STIM2: variants seen among roughly 807,000 people sequenced by gnomAD.
The protein encoded by STIM2 is stromal interaction molecule 2.
STIM2 carries 31 observed loss-of-function variants against 85.8 expected under a neutral mutation model. The ratio of observed to expected loss-of-function variants is 0.36; its 90% CI spans 0.27 to 0.49. The LOEUF is 0.49. Among genes scored for constraint, STIM2 ranks in the 20% least tolerant of loss-of-function variants. The pLI, the probability that STIM2 is intolerant of heterozygous loss-of-function variation, is 0.98. For synonymous variants in STIM2, 356 were observed against 331.1 expected, an observed-to-expected ratio of 1.08 and a Z score of -0.82; for missense variants, 841 against 927.6, an observed-to-expected ratio of 0.91 and a Z score of 1.21.
chr4:26,987,416 A>G (rs1350338017), intron 3 of STIM2, among the ~76,000 whole-genome samples: 1 of 152,166 alleles, frequency 6.6e-6, no homozygotes, highest in East Asian at 1.9e-4. Context: ...ATGGGTGAGG[A>G]GTAATGAAAA....
At chr4:26,949,536 T>A (rs1025459112) in intron 2 of STIM2, among the ~76,000 whole-genome samples, 2 of 152,224 alleles carry the variant, frequency 1.3e-5, no homozygotes, top group African/African-American at 4.8e-5. Context: ...AAAGGCCCTA[T>A]AGTGGTTATG....
At chr4:26,905,315 A>G (rs1577428936) in intron 1 of STIM2, among the ~76,000 whole-genome samples, 1 of 152,216 alleles carries the variant, frequency 6.6e-6, no homozygotes, top group Non-Finnish European at 1.5e-5. Flanking sequence ...GTATGATGAA[A>G]TAAGAGAAGG....
intron 3 of STIM2, among the ~76,000 whole-genome samples, chr4:26,974,588 G>A (rs1290581260): frequency 1.3e-5 from 2 of 152,164 alleles, no homozygotes; most frequent in African/African-American, 4.8e-5. Flanking sequence ...TGGCTTGTAG[G>A]GTTTCTGCCA....
At chr4:26,887,366 T>C (rs1222708581) in intron 1 of STIM2, among the ~76,000 whole-genome samples, 1 of 152,108 alleles carries the variant, frequency 6.6e-6, no homozygotes, top group East Asian at 1.9e-4. Context: ...TTACAGACTT[T>C]GATTGAACTC....
At chr4:27,020,910 CTG>C (rs1728886561) in intron 11 of STIM2, 2 of 1,193,972 alleles carry the variant, frequency 1.7e-6, no homozygotes, top group African/African-American at 3.0e-5. Flanking sequence ...GCCTTCAGCT[CTG>C]TTCCCTTCTC....
At chr4:26,874,865 T>A (rs886669840) in intron 1 of STIM2, among the ~76,000 whole-genome samples, 1 of 152,188 alleles carries the variant, frequency 6.6e-6, no homozygotes, top group African/African-American at 2.4e-5. Flanking sequence ...AGGAGAAAAC[T>A]AAACTAATGA....
At position 27,008,933 on chromosome 4, in the gene STIM2, C is replaced by T; in HGVS notation, c.1420C>T (p.Pro474Ser). ...GGTGATGCCCAGAGTCTCCATTCCA[C>T]CCTATCCAATTGCTGGAGGAGTTGA... Residue 474 changes from proline (P) to serine (S), a missense_variant, in exon 10 of 12, where the codon CCC (proline) becomes TCC (serine). Physicochemically the swap from Pro to Ser is moderately conservative, Grantham distance 74. Coordinates refer to ENST00000467087, the MANE Select transcript of STIM2 (RefSeq NM_020860.4). 1 of 1,614,118 alleles carries T rather than the reference C, an allele frequency of 6.2e-7. No individual in the cohort carries two copies. Among genetic ancestry groups the T allele is most frequent in the East Asian group, 2.2e-5 (1 of 44,872 alleles).
intron 3 of STIM2, among the ~76,000 whole-genome samples, chr4:26,964,394 C>G (rs1338221891): frequency 6.6e-6 from 1 of 152,104 alleles, no homozygotes; most frequent in Non-Finnish European, 1.5e-5. Context: ...GTATTAAGAG[C>G]TACTATAGCT....
At chr4:27,014,520 T>C (rs1728672303) in intron 10 of STIM2, among the ~76,000 whole-genome samples, 1 of 151,880 alleles carries the variant, frequency 6.6e-6, no homozygotes, top group Non-Finnish European at 1.5e-5. Flanking sequence ...TCTTTGCCTA[T>C]TGATTTCTAC....
chr4:26,916,607 A>G (rs1724589642), intron 1 of STIM2, among the ~76,000 whole-genome samples: 1 of 152,196 alleles, frequency 6.6e-6, no homozygotes, highest in Non-Finnish European at 1.5e-5. Context: ...AAATCCAAAT[A>G]TCCTGGTATG....
chr4:27,000,064 T>C (rs1473305945), intron 5 of STIM2, among the ~76,000 whole-genome samples: 1 of 150,190 alleles, frequency 6.7e-6, no homozygotes, highest in Admixed American at 6.7e-5. Flanking sequence ...TTTTTTTTTT[T>C]AGTCAAAAAA....
At chr4:26,889,529 C>G (rs1222854002) in intron 1 of STIM2, among the ~76,000 whole-genome samples, 1 of 152,118 alleles carries the variant, frequency 6.6e-6, no homozygotes, top group East Asian at 1.9e-4. Context: ...GTAATAAGAA[C>G]AAAACAGTGC....
intron 10 of STIM2, among the ~76,000 whole-genome samples, chr4:27,015,025 C>T (rs1728688062): frequency 6.6e-6 from 1 of 151,748 alleles, no homozygotes; most frequent in Non-Finnish European, 1.5e-5. Context: ...TTTTCACGTT[C>T]TTCAAAATTT....
intron 1 of STIM2, among the ~76,000 whole-genome samples, chr4:26,915,065 G>A (rs1357409572): frequency 6.6e-6 from 1 of 152,118 alleles, no homozygotes; most frequent in African/African-American, 2.4e-5. Flanking sequence ...AATCCCAGTT[G>A]TCATTTCTAG....
intron 5 of STIM2, among the ~76,000 whole-genome samples, chr4:27,000,454 G>A (rs529591624): frequency 6.6e-6 from 1 of 152,266 alleles, no homozygotes; most frequent in South Asian, 2.1e-4. Context: ...AATCCATTGG[G>A]GGATTGTCTT....
At chr4:26,968,999 A>G (rs1400424420) in intron 3 of STIM2, among the ~76,000 whole-genome samples, 1 of 152,210 alleles carries the variant, frequency 6.6e-6, no homozygotes, top group Admixed American at 6.5e-5. Context: ...CAGCCTTATT[A>G]CATATTTTGT....
At chr4:26,960,139 G>A (rs1206601610) in intron 3 of STIM2, among the ~76,000 whole-genome samples, 2 of 152,204 alleles carry the variant, frequency 1.3e-5, no homozygotes, top group Non-Finnish European at 2.9e-5. Context: ...GACAGGGCAT[G>A]TTGAGTGTGC....
rs1205777827 is a variant in STIM2, at chr4:26,861,342, G to A, written c.124G>A (p.Ala42Thr). The A allele has an allele frequency of 7.3e-7, 1 of 1,373,310 alleles. No homozygotes were observed. The highest frequency in any genetic ancestry group is 9.4e-7 in the Non-Finnish European group (1 of 1,069,166). 85.1% of individuals were successfully genotyped at this position (1,373,310 alleles called of 1,614,324 possible). Reference sequence around the variant, plus strand: ...TGCCGCCTCCTCTCCCGCCGCGGCGGCCGGCGATAGCCCGGCGCTCATGAC... The same window carrying A: ...TGCCGCCTCCTCTCCCGCCGCGGCGACCGGCGATAGCCCGGCGCTCATGAC... Residue 42 changes from alanine to threonine, a missense_variant, in exon 1 of 12, where the codon GCC becomes ACC. By Grantham distance (58) the Ala-to-Thr change is moderately conservative (BLOSUM62 0). Coordinates refer to ENST00000467087, the MANE Select transcript of STIM2 (RefSeq NM_020860.4).
chr4:26,876,920 A>G (rs754158858), intron 1 of STIM2, among the ~76,000 whole-genome samples: 32 of 152,140 alleles, frequency 2.1e-4, no homozygotes, highest in Non-Finnish European at 4.1e-4. Flanking sequence ...ATACTTTCCA[A>G]TAGTTATTTC....
Sources: gnomAD v4.1 joint callset for allele counts (sites outside exome capture counted in the v4.1 genomes callset) on GRCh38, gnomAD v4.1.1 for gene constraint, MANE v1.5 for transcripts, NCBI Gene and HGNC (gene_info 2026-07-23, HGNC 2026-07-21) for gene names.